Variants in KIRREL3 observed in about 807,000 individuals in gnomAD.
KIRREL3 encodes the protein kirre like nephrin family adhesion molecule 3.
Under a neutral mutation model 89.7 loss-of-function variants are expected in KIRREL3, and 36 were observed. The ratio of observed to expected loss-of-function variants is 0.40; its 90% CI spans 0.31 to 0.53. KIRREL3 has a LOEUF of 0.53. Among genes scored for constraint, KIRREL3 ranks in the 20% least tolerant of loss-of-function variants. The pLI is 0.49. For synonymous variants in KIRREL3, 445 were observed against 441.4 expected (o/e 1.01, Z -0.10); for missense variants, 864 against 1,056.6 (o/e 0.82, Z 2.53).
In KIRREL3 at chr11:126,527,857, G is replaced by A. The variant is rs1162443865; in HGVS notation, c.134-1170C>T. ...CAGATCCCCAAGCCTGGCCTTGGAG[G>A]GAGTTGCTGATGAAGAGGTGTGATG... On this transcript the variant is annotated intron_variant, in intron 2 of 16. Transcript: ENST00000525144. The surrounding 1 kb of genome is among the most constrained non-coding windows in gnomAD (Gnocchi z 4.2). 1.3e-5 allele frequency among the ~76,000 whole-genome samples: 2 copies of A among 152,160 alleles called. No homozygotes were observed. Among genetic ancestry groups the A allele is most frequent in the African/African-American group, 4.8e-5 (2 of 41,440 alleles).
chr11:126,950,628 G>C (rs1167185779), intron 1 of KIRREL3, among the ~76,000 whole-genome samples: 1 of 152,172 alleles, frequency 6.6e-6, no homozygotes, highest in Non-Finnish European at 1.5e-5. Context: ...TCTTCTCCAT[G>C]TAGAAAGTTA....
intron 2 of KIRREL3, chr11:126,549,144 C>T (rs1408514039): frequency 6.6e-6 from 1 of 152,202 alleles, no homozygotes; most frequent in Non-Finnish European, 1.5e-5. Flanking sequence ...TTGTCCCACA[C>T]TCGGTACACA....
intron 1 of KIRREL3, among the ~76,000 whole-genome samples, chr11:126,881,566 G>A (rs1391966077): frequency 6.6e-6 from 1 of 152,040 alleles, no homozygotes; most frequent in Admixed American, 6.5e-5. Flanking sequence ...AATATTTTTT[G>A]AGACAGAGTC....
Position 126,656,243 on chromosome 11 carries a change from C to T in KIRREL3, c.56-93331G>A, listed in dbSNP as rs1945133443. On this transcript the variant is annotated intron_variant, in intron 1 of 16. Transcript: ENST00000525144. This position sits in a 1 kb window ranked among gnomAD's most constrained non-coding sequence, Gnocchi z 4.0. ...AAAGATGCCTGTTGGTTCTGCCGTT[C>T]ATATCTGTGAGATATCAGGCTGGTT... 1 of 443,980 alleles carries T rather than the reference C, an allele frequency of 2.3e-6. No homozygotes were observed. 27.5% of individuals were successfully genotyped at this position (443,980 alleles called of 1,614,324 possible). A position where few individuals can be genotyped will look rare whatever the true frequency, so the allele number is the denominator to read the frequency against.
At chr11:126,500,524 G>T (rs568019672) in intron 4 of KIRREL3, among the ~76,000 whole-genome samples, 1 of 152,284 alleles carries the variant, frequency 6.6e-6, no homozygotes, top group Admixed American at 6.5e-5. Context: ...TGGATCACTT[G>T]AGATCAGGAA....
chr11:126,613,893 T>TTTTTTTTTTTTTTC (rs371748740), intron 1 of KIRREL3, among the ~76,000 whole-genome samples: 1 of 118,644 alleles, frequency 8.4e-6, no homozygotes, highest in African/African-American at 3.4e-5. Context: ...TTTTTTTTTT[T>TTTTTTTTTTTTTTC]ATTTTTTTCC....
Position 126,890,803 on chromosome 11 carries a change from C to T in KIRREL3, c.55+109652G>A, listed in dbSNP as rs1315360339. ...ACCACAGCGGCCTGCCTGTGCCCAGCGCTGCCCCAGCATCCTCCCAACCAC... is the reference window on the plus strand; with the variant it reads ...ACCACAGCGGCCTGCCTGTGCCCAGTGCTGCCCCAGCATCCTCCCAACCAC... On this transcript the variant is annotated intron_variant, in intron 1 of 16. Coordinates refer to ENST00000525144, the MANE Select transcript of KIRREL3 (RefSeq NM_032531.4). This position sits in a 1 kb window ranked among gnomAD's most constrained non-coding sequence, Gnocchi z 5.1. Among the ~76,000 whole-genome samples, 5 of 152,210 alleles carry T rather than the reference C, an allele frequency of 3.3e-5. No individual in the cohort carries two copies. The highest frequency in any genetic ancestry group is 4.8e-5 in the African/African-American group (2 of 41,444).
rs1950300665 is a variant in KIRREL3, at chr11:126,780,632, G to T, written c.56-217720C>A. 6.6e-6 allele frequency among the ~76,000 whole-genome samples: 1 copy of T among 152,160 alleles called. No individual in the cohort carries two copies. The highest frequency in any genetic ancestry group is 1.5e-5 in the Non-Finnish European group (1 of 68,026). ...CAAAGGTAAACGAGTACCCAGAGGT[G>T]CCCAGATGCCCACATCTGGCAACAG... is the stretch of plus-strand genomic sequence containing the variant. On this transcript the variant is annotated intron_variant, in intron 1 of 16. Coordinates refer to ENST00000525144, the MANE Select transcript of KIRREL3 (RefSeq NM_032531.4). The surrounding 1 kb of genome is among the most constrained non-coding windows in gnomAD (Gnocchi z 5.3).
intron 11 of KIRREL3, among the ~76,000 whole-genome samples, chr11:126,438,256 C>T (rs991501546): frequency 3.9e-5 from 6 of 152,254 alleles, no homozygotes; most frequent in South Asian, 2.1e-4. Flanking sequence ...GCTGTGTTTG[C>T]GATCACCTTC....
chr11:126,468,129 G>C (rs1303380609), intron 5 of KIRREL3, among the ~76,000 whole-genome samples: 1 of 152,214 alleles, frequency 6.6e-6, no homozygotes, highest in Non-Finnish European at 1.5e-5. Flanking sequence ...CACTTAGGAA[G>C]GGTTCTTTCT....
intron 16 of KIRREL3, 144 bp from the exon 17 acceptor site, chr11:126,425,167 CA>C: frequency 1.4e-6 from 1 of 692,530 alleles, no homozygotes; most frequent in South Asian, 2.0e-5. Context: ...GGAGCAAACT[CA>C]GGGGTGAACA....
Position 126,455,239 on chromosome 11 carries a change from G to A in KIRREL3, c.848+1110C>T, listed in dbSNP as rs1454231022. Among the ~76,000 whole-genome samples the A allele has an allele frequency of 1.3e-5, 2 of 152,204 alleles. No homozygotes were observed. The highest frequency in any genetic ancestry group is 2.9e-5 in the Non-Finnish European group (2 of 68,038). On this transcript the variant is annotated intron_variant, in intron 7 of 16. Coordinates refer to ENST00000525144, the MANE Select transcript of KIRREL3 (RefSeq NM_032531.4). The surrounding 1 kb of genome is among the most constrained non-coding windows in gnomAD (Gnocchi z 6.4). ...GAGTCAGGGCCATGGCAAGTTCCAC[G>A]TGGCACCCAAAAGGAGGTGAGTCTG...
At chr11:126,450,618 C>A (rs17514135) in intron 7 of KIRREL3, among the ~76,000 whole-genome samples, 1 of 132,278 alleles carries the variant, frequency 7.6e-6, no homozygotes, top group Non-Finnish European at 1.6e-5. Context: ...TCGGCGTGTG[C>A]GAGCATGTGC....
At chr11:126,451,329 A>AGTGTGTGTGTGCATGT (rs1255096640) in intron 7 of KIRREL3, among the ~76,000 whole-genome samples, 2 of 46,548 alleles carry the variant, frequency 4.3e-5, no homozygotes, top group African/African-American at 2.5e-4. Context: ...TGTGTGCATT[A>AGTGTGTGTGTGCATGT]GTGAGTGTGT....
chr11:126,742,068 CTATT>C lies in KIRREL3; in HGVS notation c.56-179160_56-179157del, dbSNP rs905096324. On this transcript the variant is annotated intron_variant, in intron 1 of 16. Coordinates refer to ENST00000525144, the MANE Select transcript of KIRREL3 (RefSeq NM_032531.4). This position sits in a 1 kb window ranked among gnomAD's most constrained non-coding sequence, Gnocchi z 5.3. ...AACTATTTAGAACACATGTGAAACT[CTATT>C]TACACCAAGCTTTAAATTGAACTTC... 6.6e-6 allele frequency among the ~76,000 whole-genome samples: 1 copy of C among 152,230 alleles called. No individual in the cohort carries two copies. Among genetic ancestry groups the C allele is most frequent in the Non-Finnish European group, 1.5e-5 (1 of 68,034 alleles).
At position 126,873,714 on chromosome 11, in the gene KIRREL3, A is replaced by G. The variant is rs539722157; in HGVS notation, c.55+126741T>C. On this transcript the variant is annotated intron_variant, in intron 1 of 16. Coordinates refer to ENST00000525144, the MANE Select transcript of KIRREL3 (RefSeq NM_032531.4). ...AGGTCCACAAAGAAGAGCTGCCTCCAGGTGAACAGGAGTCCAGGCATCTGT... is the reference window on the plus strand; with the variant it reads ...AGGTCCACAAAGAAGAGCTGCCTCCGGGTGAACAGGAGTCCAGGCATCTGT... Among the ~76,000 whole-genome samples the G allele has an allele frequency of 9.3e-4, 142 of 152,348 alleles. 3 individuals carry two copies. In the South Asian group the frequency reaches 0.028, roughly 30 times the overall value.
intron 1 of KIRREL3, among the ~76,000 whole-genome samples, chr11:126,847,275 T>C (rs559695062): frequency 6.6e-6 from 1 of 152,180 alleles, no homozygotes; most frequent in Non-Finnish European, 1.5e-5. Context: ...GTAACTCCTA[T>C]AATTCTGATA....
In KIRREL3 at chr11:126,856,774, C is replaced by T. The variant is rs375516568; in HGVS notation, c.55+143681G>A. 5.3e-5 allele frequency among the ~76,000 whole-genome samples: 8 copies of T among 151,996 alleles called. No homozygotes were observed. The South Asian group carries it at 8.3e-4, about 16-fold the overall frequency. ...GGGACTACAGGCGCCCGCCACCATGCGCGGCTAATTTTTTGTATTTTTAGT... is the reference window on the plus strand; with the variant it reads ...GGGACTACAGGCGCCCGCCACCATGTGCGGCTAATTTTTTGTATTTTTAGT... On this transcript the variant is annotated intron_variant, in intron 1 of 16. Transcript: ENST00000525144.
chr11:126,898,306 A>G lies in KIRREL3; in HGVS notation c.55+102149T>C, dbSNP rs1285256546. Among the ~76,000 whole-genome samples the G allele has an allele frequency of 1.3e-5, 2 of 152,234 alleles. No individual in the cohort carries two copies. The highest frequency in any genetic ancestry group is 2.4e-5 in the African/African-American group (1 of 41,464). On this transcript the variant is annotated intron_variant, in intron 1 of 16. Transcript: ENST00000525144. This position sits in a 1 kb window ranked among gnomAD's most constrained non-coding sequence, Gnocchi z 4.9. ...AGGTGGGGAAACTGGAACTGCTCTG[A>G]ACCAGTGTTGAGAATATAAACTGGT... is the stretch of plus-strand genomic sequence containing the variant.
Sources: gnomAD v4.1 joint callset for allele counts (sites outside exome capture counted in the v4.1 genomes callset) on GRCh38, gnomAD v4.1.1 for gene constraint, Gnocchi (gnomAD v3.1) non-coding constraint, MANE v1.5 for transcripts, NCBI Gene and HGNC (gene_info 2026-07-23, HGNC 2026-07-21) for gene names.